Variants in RUNX2 observed in about 807,000 individuals in gnomAD.
RUNX2 encodes the protein RUNX family transcription factor 2, also known as runt-related transcription factor 2.
In RUNX2, 10 loss-of-function variants were observed where a neutral mutation model predicts 51.7. That is an observed-to-expected ratio of 0.19 (90% CI 0.12 to 0.33). The LOEUF is 0.33. RUNX2 is among the 10% of genes least tolerant of loss of function. RUNX2 has a pLI of 1.00. For synonymous variants in RUNX2, 276 were observed against 273.6 expected (o/e 1.01, Z -0.09); for missense variants, 562 against 691.3 (o/e 0.81, Z 2.10).
At chr6:45,426,050 C>T (rs12192267) in intron 3 of RUNX2, among the ~76,000 whole-genome samples, 25,833 of 152,048 alleles carry the variant, frequency 0.17, 2,711 homozygotes, top group Non-Finnish European at 0.25. Context: ...AGTTTAAACT[C>T]GTGTTTAAAC....
At chr6:45,467,626 C>T (rs980043554) in intron 5 of RUNX2, among the ~76,000 whole-genome samples, 2 of 152,080 alleles carry the variant, frequency 1.3e-5, no homozygotes, top group African/African-American at 4.8e-5. Context: ...CCCAGCCACT[C>T]ATCTACCTCC....
chr6:45,420,026 G>C (rs1798145222), intron 2 of RUNX2, among the ~76,000 whole-genome samples: 1 of 151,894 alleles, frequency 6.6e-6, no homozygotes, highest in African/African-American at 2.4e-5. Context: ...GAGGCGTGGA[G>C]CAGTGCATGG....
rs200115506 is a variant in RUNX2 at position 45,492,124 on chromosome 6, A to T, written c.859+10A>T. On this transcript the variant is annotated intron_variant, in intron 6 of 8. Transcript: ENST00000647337. ...CAGAGTCAGATTACAGGTAAGACAG[A>T]CTCATAGGTTTCACTTGCATAGACG... 2.2e-4 allele frequency: 354 copies of T among 1,613,306 alleles called. 3 individuals are homozygous for T. Among genetic ancestry groups the T allele is most frequent in the Admixed American group, 6.2e-4 (37 of 59,922 alleles).
intron 2 of RUNX2, among the ~76,000 whole-genome samples, chr6:45,409,539 G>C (rs1233658204): frequency 6.6e-6 from 1 of 152,150 alleles, no homozygotes; most frequent in Non-Finnish European, 1.5e-5. Context: ...GAATTGCTAA[G>C]TCATACAGCA....
chr6:45,535,070 G>A (rs1016968216), intron 7 of RUNX2, among the ~76,000 whole-genome samples: 3 of 152,064 alleles, frequency 2.0e-5, no homozygotes, highest in African/African-American at 4.8e-5. Flanking sequence ...AGAGGGGAAC[G>A]GTGCACACTG....
At chr6:45,392,221 T>C (rs758007255) in intron 2 of RUNX2, among the ~76,000 whole-genome samples, 12 of 152,196 alleles carry the variant, frequency 7.9e-5, no homozygotes, top group Non-Finnish European at 1.3e-4. Flanking sequence ...TATTTAAATA[T>C]AGGCTGGGCA....
intron 7 of RUNX2, among the ~76,000 whole-genome samples, chr6:45,513,171 A>C (rs1801211450): frequency 6.6e-6 from 1 of 152,146 alleles, no homozygotes; most frequent in Non-Finnish European, 1.5e-5. Flanking sequence ...CCAAACTGAC[A>C]AGTAGAGAAA....
intron 2 of RUNX2, among the ~76,000 whole-genome samples, chr6:45,367,892 T>G (rs1173279144): frequency 6.6e-6 from 1 of 152,220 alleles, no homozygotes; most frequent in African/African-American, 2.4e-5. Context: ...CATGATGAGC[T>G]GATAGGTCAT....
chr6:45,541,120 T>A (rs1419922043), intron 7 of RUNX2, among the ~76,000 whole-genome samples: 2 of 152,250 alleles, frequency 1.3e-5, no homozygotes, highest in African/African-American at 4.8e-5. Flanking sequence ...TTCCCAATCC[T>A]TAGACTCATT....
At chr6:45,464,272 A>T (rs1046255991) in intron 5 of RUNX2, among the ~76,000 whole-genome samples, 4 of 152,092 alleles carry the variant, frequency 2.6e-5, no homozygotes, top group Non-Finnish European at 4.4e-5. Context: ...TGTATCAGGG[A>T]CTGTGTCTTT....
At chr6:45,363,085 A>G (rs1365159007) in intron 2 of RUNX2, among the ~76,000 whole-genome samples, 1 of 152,128 alleles carries the variant, frequency 6.6e-6, no homozygotes, top group East Asian at 1.9e-4. Flanking sequence ...GAGATTATCA[A>G]ACTTTTTCTG....
At position 45,549,364 on chromosome 6, in the gene RUNX2, G is replaced by C. The variant is rs1282884052; in HGVS notation, c.*2059G>C. Reference sequence around the variant, plus strand: ...GCATTGCAGGACAGCGTGTGGGGCAGCTGGACCTGTGCTTCCTGCCTGGGA... The same window carrying C: ...GCATTGCAGGACAGCGTGTGGGGCACCTGGACCTGTGCTTCCTGCCTGGGA... On this transcript the variant is annotated 3_prime_UTR_variant, in exon 9 of 9. Transcript: ENST00000647337. 2.5e-6 allele frequency: 1 copy of C among 398,460 alleles called. No homozygotes were observed. Among genetic ancestry groups the C allele is most frequent in the East Asian group, 3.6e-5 (1 of 28,076 alleles). 24.7% of individuals were successfully genotyped at this position (398,460 alleles called of 1,614,324 possible). A position where few individuals can be genotyped will look rare whatever the true frequency, so the allele number is the denominator to read the frequency against.
At chr6:45,409,619 A>G (rs571458593) in intron 2 of RUNX2, among the ~76,000 whole-genome samples, 4 of 152,220 alleles carry the variant, frequency 2.6e-5, no homozygotes, top group Non-Finnish European at 4.4e-5. Flanking sequence ...TCCCAACAAG[A>G]TGTAAGAAAG....
chr6:45,414,527 G>A (rs1798021617), intron 2 of RUNX2, among the ~76,000 whole-genome samples: 1 of 152,086 alleles, frequency 6.6e-6, no homozygotes, highest in Non-Finnish European at 1.5e-5. Flanking sequence ...AATGCATGTA[G>A]CATATTAAAA....
intron 2 of RUNX2, among the ~76,000 whole-genome samples, chr6:45,342,114 G>C (rs1366344673): frequency 6.6e-6 from 1 of 152,112 alleles, no homozygotes; most frequent in Admixed American, 6.6e-5. Flanking sequence ...TAAGGAAAAT[G>C]AGACTGCCAC....
intron 5 of RUNX2, among the ~76,000 whole-genome samples, chr6:45,484,750 C>T (rs970343204): frequency 7.9e-5 from 12 of 152,236 alleles, no homozygotes; most frequent in African/African-American, 2.2e-4. Context: ...GGAATGCAAT[C>T]GTGACTTTAA....
chr6:45,543,800 C>T (rs1003603362), intron 7 of RUNX2, among the ~76,000 whole-genome samples: 2 of 151,912 alleles, frequency 1.3e-5, no homozygotes, highest in Non-Finnish European at 2.9e-5. Context: ...ATTGGAAGCA[C>T]AGACACAACC....
At chr6:45,486,780 G>A (rs150072284) in intron 5 of RUNX2, among the ~76,000 whole-genome samples, 2 of 152,270 alleles carry the variant, frequency 1.3e-5, no homozygotes, top group South Asian at 2.1e-4. Context: ...GTAGCTCTCC[G>A]AAGTTGTTAA....
chr6:45,494,283 A>G (rs1328443802), intron 6 of RUNX2, among the ~76,000 whole-genome samples: 1 of 151,908 alleles, frequency 6.6e-6, no homozygotes, highest in Non-Finnish European at 1.5e-5. Context: ...GCTTCTCTTC[A>G]CCCTCTTCCC....
Sources: gnomAD v4.1 joint callset for allele counts (sites outside exome capture counted in the v4.1 genomes callset) on GRCh38, gnomAD v4.1.1 for gene constraint, MANE v1.5 for transcripts, NCBI Gene and HGNC (gene_info 2026-07-23, HGNC 2026-07-21) for gene names.